Variants in CDH23 observed in about 807,000 individuals in gnomAD.
CDH23 encodes the protein cadherin related 23.
Under a neutral mutation model 317.1 loss-of-function variants are expected in CDH23, and 189 were observed. The ratio of observed to expected loss-of-function variants is 0.60; its 90% CI spans 0.53 to 0.67. CDH23 has a LOEUF of 0.67. Among genes scored for constraint, CDH23 ranks in the 30% least tolerant of loss-of-function variants. The probability of loss-of-function intolerance (pLI) is 0.00; values close to 1 mark genes in which losing one functional copy is unlikely to be tolerated. For missense variants in CDH23, 4,401 were observed against 4,592.4 expected (o/e 0.96, Z 1.20); for synonymous variants, 1,839 against 1,876.8 (o/e 0.98, Z 0.52).
At chr10:71,766,202 T>C (rs1389489648) in intron 38 of CDH23, among the ~76,000 whole-genome samples, 1 of 152,226 alleles carries the variant, frequency 6.6e-6, no homozygotes, top group Non-Finnish European at 1.5e-5. Flanking sequence ...ACCTGGGTCA[T>C]TGTCGGAGAC....
chr10:71,638,634 G>T (rs1369091956), intron 11 of CDH23, among the ~76,000 whole-genome samples: 1 of 152,234 alleles, frequency 6.6e-6, no homozygotes, highest in Non-Finnish European at 1.5e-5. Flanking sequence ...CTGCATGCAG[G>T]TGGTTAAGTA....
chr10:71,779,585 T>G, intron 41 of CDH23, 138 bp downstream of exon 41: 1 of 620,352 alleles, frequency 1.6e-6, no homozygotes, highest in Non-Finnish European at 2.7e-6. Context: ...TTTCCCCATC[T>G]ATGACAATGA....
intron 1 of CDH23, among the ~76,000 whole-genome samples, chr10:71,400,322 G>A (rs12243034): frequency 0.035 from 5,357 of 152,224 alleles, 305 homozygotes; most frequent in African/African-American, 0.11. Flanking sequence ...CATGGCTCAG[G>A]CATCCCACCC....
Position 71,459,240 on chromosome 10 carries a change from A to G in CDH23, c.145+12845A>G, listed in dbSNP as rs572027004. Among the ~76,000 whole-genome samples the G allele has an allele frequency of 5.3e-5, 8 of 152,080 alleles. No individual in the cohort carries two copies. In the South Asian group the frequency reaches 1.7e-3, roughly 32 times the overall value. ...GTAGCTGGGACCACAGGTGTGTGCC[A>G]CCACACCTGGCTAATTGTTTTTTAA... is the stretch of plus-strand genomic sequence containing the variant. On this transcript the variant is annotated intron_variant, in intron 3 of 69. Transcript: ENST00000224721.
intron 1 of CDH23, among the ~76,000 whole-genome samples, chr10:71,421,332 G>A (rs559001842): frequency 2.6e-5 from 4 of 152,302 alleles, no homozygotes; most frequent in East Asian, 3.9e-4. Flanking sequence ...CTGCCCTTGC[G>A]CCCCACCACC....
intron 46 of CDH23, chr10:71,790,622 A>C: frequency 1.6e-6 from 1 of 628,448 alleles, no homozygotes; most frequent in Admixed American, 3.0e-5. Flanking sequence ...GAGACGATAC[A>C]CAGGACCTCT....
chr10:71,578,284 G>T (rs116615989), intron 9 of CDH23, among the ~76,000 whole-genome samples: 1 of 152,156 alleles, frequency 6.6e-6, no homozygotes, highest in Non-Finnish European at 1.5e-5. Context: ...GGTCTGAGAC[G>T]GTTGGGCACT....
At chr10:71,811,892 CCAA>C (rs1485930323) in intron 65 of CDH23, 60 bp from the exon 66 acceptor site, 3 of 1,608,858 alleles carry the variant, frequency 1.9e-6, no homozygotes, top group African/African-American at 2.7e-5. Context: ...CCCTCACCCC[CCAA>C]CACCACCCCT....
intron 18 of CDH23, among the ~76,000 whole-genome samples, chr10:71,684,100 CA>C (rs1198782128): frequency 8.1e-4 from 49 of 60,484 alleles, no homozygotes; most frequent in Middle Eastern, 7.6e-3. Flanking sequence ...AACAAACAAA[CA>C]AACAACAACA....
chr10:71,434,294 C>T (rs1160836109), intron 1 of CDH23, among the ~76,000 whole-genome samples: 1 of 152,252 alleles, frequency 6.6e-6, no homozygotes, highest in Non-Finnish European at 1.5e-5. Context: ...ATGACTCACT[C>T]ACCTGCTCTG....
chr10:71,775,635 G>A (rs975549636), intron 38 of CDH23, among the ~76,000 whole-genome samples: 1 of 152,112 alleles, frequency 6.6e-6, no homozygotes, highest in Admixed American at 6.5e-5. Context: ...TCCTCCCTCC[G>A]AGACCAGAGG....
At chr10:71,499,181 C>T (rs928353813) in intron 3 of CDH23, among the ~76,000 whole-genome samples, 3 of 151,988 alleles carry the variant, frequency 2.0e-5, no homozygotes, top group Non-Finnish European at 4.4e-5. Context: ...TTCTCAGTCA[C>T]GTGTGGGAGC....
chr10:71,784,326 T>A lies in CDH23; in HGVS notation c.5408T>A (p.Val1803Asp), dbSNP rs2132938083. ...TCTCCTGTGGAGGGGGTGCTAAGGG[T>A]CCGGAAGGACGTGGAGCTGGACCGG... ...VISPVEGVLRVRKDVELDRET... is the reference protein window; with the variant it reads ...VISPVEGVLRDRKDVELDRET... The change falls in exon 42 of 70, where the codon GTC becomes GAC. Residue 1803 changes from valine (V) to aspartate (D), a missense_variant. Transcript: ENST00000224721. The A allele has an allele frequency of 6.2e-7, 1 of 1,613,722 alleles. No individual in the cohort carries two copies. The highest frequency in any genetic ancestry group is 8.5e-7 in the Non-Finnish European group (1 of 1,179,758).
chr10:71,505,124 G>A lies in CDH23; in HGVS notation c.146-4958G>A, dbSNP rs191562978. On this transcript the variant is annotated intron_variant, in intron 3 of 69. Coordinates refer to ENST00000224721, the MANE Select transcript of CDH23 (RefSeq NM_022124.6). ...AGATTTAAGTGCAAGAAGCTTACTG[G>A]GGAGGAGGTTCCAGGAAACACAAGT... Among the ~76,000 whole-genome samples, 13 of 152,304 alleles carry A rather than the reference G, an allele frequency of 8.5e-5. No individual in the cohort carries two copies. The East Asian group carries it at 2.5e-3, about 29-fold the overall frequency.
rs1043333557 is a variant in CDH23, at chr10:71,792,676, G to A, written c.6254-506G>A. On this transcript the variant is annotated intron_variant, in intron 47 of 69. Transcript: ENST00000224721. The stretch of plus-strand genomic sequence containing the variant: ...TCTCTACTAAAAATACAAAAAATTA[G>A]CCAGGCATGGTAGTGGGTGCCTGTA... 2.0e-5 allele frequency among the ~76,000 whole-genome samples: 3 copies of A among 151,170 alleles called. No homozygotes were observed. The East Asian group carries it at 5.8e-4, about 29-fold the overall frequency.
At chr10:71,786,379 A>G (rs1841105659) in intron 44 of CDH23, among the ~76,000 whole-genome samples, 2 of 149,594 alleles carry the variant, frequency 1.3e-5, no homozygotes, top group South Asian at 2.1e-4. Context: ...CCAAGGCACC[A>G]CTCTTTCTGG....
At chr10:71,551,390 G>A (rs1856588290) in intron 6 of CDH23, among the ~76,000 whole-genome samples, 1 of 152,164 alleles carries the variant, frequency 6.6e-6, no homozygotes, top group Non-Finnish European at 1.5e-5. Flanking sequence ...GGGGCCAGGA[G>A]GAGAAGGAGG....
intron 14 of CDH23, among the ~76,000 whole-genome samples, chr10:71,666,388 G>A (rs1278370343): frequency 6.6e-6 from 1 of 152,046 alleles, no homozygotes; most frequent in Non-Finnish European, 1.5e-5. Flanking sequence ...TGCAATGGGA[G>A]CCATTTTCCT....
intron 1 of CDH23, among the ~76,000 whole-genome samples, chr10:71,410,498 T>C (rs1848301336): frequency 6.6e-6 from 1 of 152,226 alleles, no homozygotes; most frequent in Admixed American, 6.5e-5. Context: ...GCACTGATGT[T>C]GGTGCTAAGA....
Sources: allele counts gnomAD v4.1 joint callset (sites outside exome capture counted in the v4.1 genomes callset), GRCh38; gene constraint gnomAD v4.1.1; transcripts MANE v1.5; gene names NCBI Gene and HGNC (gene_info 2026-07-23, HGNC 2026-07-21).